Variants in WDR19 observed in about 807,000 individuals in gnomAD.
WDR19 encodes WD repeat domain 19.
WDR19 carries 121 observed loss-of-function variants against 180.0 expected under a neutral mutation model. That is an observed-to-expected ratio of 0.67 (90% CI 0.58 to 0.78). The LOEUF is 0.78. Among genes scored for constraint, WDR19 ranks in the 30% least tolerant of loss-of-function variants. The probability of loss-of-function intolerance (pLI) is 0.00; values close to 1 mark genes in which losing one functional copy is unlikely to be tolerated. For missense variants in WDR19, 1,450 were observed against 1,640.7 expected (o/e 0.88, Z 2.01); for synonymous variants, 497 against 540.7 (o/e 0.92, Z 1.12).
chr4:39,225,458 A>C (rs552309102), intron 15 of WDR19, among the ~76,000 whole-genome samples: 1 of 152,322 alleles, frequency 6.6e-6, no homozygotes, highest in South Asian at 2.1e-4. Context: ...GTATTTCTGT[A>C]TTAGATGAGT....
At chr4:39,243,412 G>GT (rs1351059043) in intron 21 of WDR19, among the ~76,000 whole-genome samples, 3 of 152,046 alleles carry the variant, frequency 2.0e-5, no homozygotes, top group Non-Finnish European at 4.4e-5. Context: ...AGTTGAGCGT[G>GT]TTTTTATTTA....
chr4:39,204,380 C>A (rs193142289), intron 7 of WDR19, among the ~76,000 whole-genome samples: 4 of 152,152 alleles, frequency 2.6e-5, no homozygotes, highest in Admixed American at 2.6e-4. Context: ...CCACCGCACC[C>A]GGCCAAAGTT....
At chr4:39,195,344 G>A (rs1302662962) in intron 5 of WDR19, among the ~76,000 whole-genome samples, 10 of 148,928 alleles carry the variant, frequency 6.7e-5, no homozygotes, top group African/African-American at 2.0e-4. Flanking sequence ...TGCAGCCTGG[G>A]TGACAGAGTG....
At chr4:39,234,313 T>A (rs1731163187) in intron 19 of WDR19, among the ~76,000 whole-genome samples, 1 of 152,308 alleles carries the variant, frequency 6.6e-6, no homozygotes, top group South Asian at 2.1e-4. Context: ...CATTTGCTAT[T>A]ACTCTTGTGA....
rs191971872 is a variant in WDR19, at chr4:39,245,354, G to A, written c.2646-15G>A. On this transcript the variant is annotated splice_polypyrimidine_tract_variant and intron_variant, in intron 23 of 36. Coordinates refer to ENST00000399820, the MANE Select transcript of WDR19 (RefSeq NM_025132.4). ...ACACAGTACTCATACTGTTCTCCTG[G>A]ACCTACCTTTCCAGGGCAAAAGTTG... 7 of 1,610,616 alleles carry A rather than the reference G, an allele frequency of 4.3e-6. No homozygotes were observed. The Admixed American group carries it at 1.2e-4, about 27-fold the overall frequency.
chr4:39,256,395 C>G (rs1395512930), intron 27 of WDR19, among the ~76,000 whole-genome samples: 1 of 152,192 alleles, frequency 6.6e-6, no homozygotes, highest in Non-Finnish European at 1.5e-5. Flanking sequence ...TGGGGTAAAG[C>G]TGCGCTTTGT....
intron 30 of WDR19, among the ~76,000 whole-genome samples, chr4:39,268,968 T>A (rs1049159594): frequency 6.6e-5 from 10 of 151,978 alleles, no homozygotes; most frequent in Admixed American, 6.6e-4. Context: ...GAGAAGGCAA[T>A]GAAAGCTTTA....
intron 14 of WDR19, among the ~76,000 whole-genome samples, chr4:39,222,884 C>G (rs1302020892): frequency 6.6e-6 from 1 of 152,122 alleles, no homozygotes; most frequent in African/African-American, 2.4e-5. Context: ...CTGCTGCCAC[C>G]CCATTCTTAA....
chr4:39,283,624 T>C (rs1047900142), intron 36 of WDR19, among the ~76,000 whole-genome samples: 11 of 152,292 alleles, frequency 7.2e-5, no homozygotes, highest in African/African-American at 2.4e-4. Flanking sequence ...CAAATATACA[T>C]ATGTACACAT....
In WDR19 at chr4:39,214,632, G is replaced by C; in HGVS notation, c.922G>C (p.Asp308His). Residue 308 changes from aspartate to histidine, a missense_variant, in exon 10 of 37, where the codon GAC becomes CAC. Physicochemically the swap from Asp to His is moderately conservative, Grantham distance 81. Coordinates refer to ENST00000399820, the MANE Select transcript of WDR19 (RefSeq NM_025132.4). ...AATCCAAGACTTGGTTGACTTAAAA[G>C]ACATGTATGTTATACTCAACCTGGA... Reference protein sequence around the residue: ...IKIQDLVDLKDMYVILNLDEE... With the variant: ...IKIQDLVDLKHMYVILNLDEE... 1 of 1,583,570 alleles carries C rather than the reference G, an allele frequency of 6.3e-7. No homozygotes were observed. The highest frequency in any genetic ancestry group is 8.6e-7 in the Non-Finnish European group (1 of 1,162,852).
intron 4 of WDR19, among the ~76,000 whole-genome samples, chr4:39,191,572 G>A (rs746372605): frequency 1.1e-4 from 17 of 152,040 alleles, no homozygotes; most frequent in Admixed American, 6.5e-4. Context: ...GAATTATAGC[G>A]GTATTTACTC....
At chr4:39,245,528 C>A in intron 24 of WDR19, 76 bp downstream of exon 24, 1 of 1,462,924 alleles carries the variant, frequency 6.8e-7, no homozygotes, top group Non-Finnish European at 9.4e-7. Flanking sequence ...TATTTGCAAC[C>A]CTGTAAGAAA....
intron 28 of WDR19, 103 bp from the exon 29 acceptor site, chr4:39,265,960 A>C (rs1441076697): frequency 2.0e-5 from 19 of 941,562 alleles, no homozygotes; most frequent in Non-Finnish European, 3.2e-5. Flanking sequence ...AGATACTATT[A>C]ATGTTTTTTA....
At chr4:39,264,766 G>GTCAGTAAT (rs1734617578) in intron 28 of WDR19, among the ~76,000 whole-genome samples, 3 of 151,896 alleles carry the variant, frequency 2.0e-5, no homozygotes, top group Non-Finnish European at 4.4e-5. Flanking sequence ...TCCTAATTTT[G>GTCAGTAAT]TCAGTAATTC....
At chr4:39,256,194 C>T (rs1733743633) in intron 27 of WDR19, among the ~76,000 whole-genome samples, 1 of 152,228 alleles carries the variant, frequency 6.6e-6, no homozygotes, top group Non-Finnish European at 1.5e-5. Context: ...TCAGCTCAAT[C>T]CAGGCCCAGA....
chr4:39,267,445 T>A (rs1195981660), intron 29 of WDR19, among the ~76,000 whole-genome samples: 3 of 152,216 alleles, frequency 2.0e-5, no homozygotes, highest in African/African-American at 7.2e-5. Flanking sequence ...GGTGTCCACT[T>A]ATTCCAATAA....
At chr4:39,272,638 A>G (rs888568243) in intron 31 of WDR19, among the ~76,000 whole-genome samples, 8 of 152,096 alleles carry the variant, frequency 5.3e-5, no homozygotes, top group Admixed American at 5.2e-4. Flanking sequence ...CTCTCTCTCT[A>G]CCTGATTCCT....
chr4:39,234,998 G>T, intron 20 of WDR19, 123 bp downstream of exon 20: 1 of 597,674 alleles, frequency 1.7e-6, no homozygotes, highest in South Asian at 2.4e-5. Flanking sequence ...AAAAAATACT[G>T]TATTAATTAT....
chr4:39,215,782 TTGC>T (rs1172769536), intron 10 of WDR19, 56 bp from the exon 11 acceptor site: 1 of 1,477,144 alleles, frequency 6.8e-7, no homozygotes, highest in African/African-American at 1.4e-5. Context: ...AAATATTTGT[TTGC>T]TGCCTGCAAC....
Sources: gnomAD v4.1 joint callset for allele counts (sites outside exome capture counted in the v4.1 genomes callset) on GRCh38, gnomAD v4.1.1 for gene constraint, MANE v1.5 for transcripts, NCBI Gene and HGNC (gene_info 2026-07-23, HGNC 2026-07-21) for gene names.